SCP2: variants seen among roughly 807,000 people sequenced by gnomAD.
The protein encoded by SCP2 is sterol carrier protein 2.
SCP2 carries 48 observed loss-of-function variants against 71.4 expected under a neutral mutation model. The ratio of observed to expected loss-of-function variants is 0.67; its 90% CI spans 0.53 to 0.86. The LOEUF (loss-of-function observed/expected upper bound fraction) is 0.86. Ranked by LOEUF, SCP2 falls within the 40% of genes least tolerant of loss-of-function variation. The pLI, the probability that SCP2 is intolerant of heterozygous loss-of-function variation, is 0.00. For missense variants in SCP2, 560 were observed against 655.6 expected (o/e 0.85, Z 1.59); for synonymous variants, 220 against 218.1 (o/e 1.01, Z -0.08).
chr1:52,942,441 T>G (rs911088876), intron 2 of SCP2, among the ~76,000 whole-genome samples: 3 of 152,136 alleles, frequency 2.0e-5, no homozygotes, highest in Non-Finnish European at 4.4e-5. Flanking sequence ...GTCCTGGTTC[T>G]CTAAGCATTC....
chr1:53,000,641 G>C (rs1660254306), intron 11 of SCP2, among the ~76,000 whole-genome samples: 1 of 152,160 alleles, frequency 6.6e-6, no homozygotes, highest in South Asian at 2.1e-4. Context: ...GACCAATTCG[G>C]AGCCTCCTGA....
At chr1:52,987,731 C>T (rs1279154843) in intron 10 of SCP2, among the ~76,000 whole-genome samples, 3 of 152,182 alleles carry the variant, frequency 2.0e-5, no homozygotes, top group Non-Finnish European at 2.9e-5. Flanking sequence ...TTAGTTATAG[C>T]ATTATATCCA....
chr1:52,949,868 A>G (rs1400990617), intron 3 of SCP2, among the ~76,000 whole-genome samples: 6 of 152,188 alleles, frequency 3.9e-5, no homozygotes, highest in Admixed American at 3.9e-4. Flanking sequence ...AGGTCTTTGA[A>G]TAAATTTTGC....
chr1:52,992,157 A>G (rs972524216), intron 11 of SCP2, among the ~76,000 whole-genome samples: 2 of 152,204 alleles, frequency 1.3e-5, no homozygotes, highest in African/African-American at 4.8e-5. Flanking sequence ...ACCAGCAAGT[A>G]AAAGTTCTAC....
At chr1:52,987,917 T>C (rs1659140527) in intron 10 of SCP2, 112 bp from the exon 11 acceptor site, 1 of 701,802 alleles carries the variant, frequency 1.4e-6, no homozygotes. Context: ...GTTTGAACTG[T>C]TAAGAAATAT....
intron 10 of SCP2, among the ~76,000 whole-genome samples, chr1:52,984,430 G>A (rs1220366536): frequency 6.6e-6 from 1 of 151,742 alleles, no homozygotes; most frequent in African/African-American, 2.4e-5. Context: ...GTTTTCAGTT[G>A]TAATCAATGC....
chr1:52,993,227 T>G, intron 11 of SCP2: 1 of 1,614,174 alleles, frequency 6.2e-7, no homozygotes, highest in Non-Finnish European at 8.5e-7. Flanking sequence ...GCCTTTCTTG[T>G]CTTTTTCTTT....
chr1:53,032,305 G>A (rs941378780), intron 13 of SCP2, among the ~76,000 whole-genome samples: 17 of 152,182 alleles, frequency 1.1e-4, no homozygotes, highest in Non-Finnish European at 2.5e-4. Flanking sequence ...ATATGTCCCT[G>A]CCTCTCAGGG....
intron 13 of SCP2, among the ~76,000 whole-genome samples, chr1:53,032,122 A>G (rs1447512428): frequency 6.6e-6 from 1 of 152,236 alleles, no homozygotes; most frequent in Non-Finnish European, 1.5e-5. Context: ...TGTGAAGAAG[A>G]CTTTGAACTT....
At chr1:52,978,186 G>C (rs1297406867) in intron 8 of SCP2, 31 bp from the exon 9 acceptor site, 1 of 1,609,568 alleles carries the variant, frequency 6.2e-7, no homozygotes. Flanking sequence ...GGTGCTACTG[G>C]GTGTGGAGAA....
At chr1:52,958,556 A>G (rs1039001229) in intron 5 of SCP2, among the ~76,000 whole-genome samples, 1 of 151,912 alleles carries the variant, frequency 6.6e-6, no homozygotes, top group Non-Finnish European at 1.5e-5. Flanking sequence ...CTTTTTAGCT[A>G]TCTATTGAGA....
Position 52,978,322 on chromosome 1 carries a change from G to A in SCP2, c.780G>A (p.Met260Ile), listed in dbSNP as rs1171217889. Reference protein sequence around the residue: ...KAVEILAQEMMTDLPSSFEEK... With the variant: ...KAVEILAQEMITDLPSSFEEK... ...TGGAAATTTTGGCACAAGAAATGAT[G>A]ACTGATTTGCCAAGCTCGTTTGAAG... is the stretch of plus-strand genomic sequence containing the variant. The change falls in exon 9 of 16, where the codon ATG (methionine) becomes ATA (isoleucine). Residue 260 changes from methionine to isoleucine, a missense_variant. By Grantham distance (10) the Met-to-Ile change is conservative. Around this residue, in one of 3 missense-constraint regions of SCP2, gnomAD observed 513 missense variants for 573.1 expected, o/e 0.90. Coordinates refer to ENST00000371514, the MANE Select transcript of SCP2 (RefSeq NM_002979.5). 1 of 1,614,064 alleles carries A rather than the reference G, an allele frequency of 6.2e-7. No homozygotes were observed. The highest frequency in any genetic ancestry group is 1.1e-5 in the South Asian group (1 of 91,068).
chr1:52,961,640 GT>G lies in SCP2; in HGVS notation c.523+13del, dbSNP rs749503958. 1 of 1,612,698 alleles carries G rather than the reference GT, an allele frequency of 6.2e-7. No individual in the cohort carries two copies. Among genetic ancestry groups the G allele is most frequent in the Non-Finnish European group, 8.5e-7 (1 of 1,178,972 alleles). Reference sequence around the variant, plus strand: ...ATATGGAAAAATATGGTATGTTACAGTTAAAAAACTTTGAGGCTTCTTACTA... The same window carrying G: ...ATATGGAAAAATATGGTATGTTACAGTAAAAAACTTTGAGGCTTCTTACTA... On this transcript the variant is annotated intron_variant, in intron 6 of 15. Transcript: ENST00000371514.
intron 11 of SCP2, among the ~76,000 whole-genome samples, chr1:53,012,957 TTG>T (rs1275611700): frequency 6.6e-6 from 1 of 152,206 alleles, no homozygotes; most frequent in East Asian, 1.9e-4. Context: ...TTTGTCTTTT[TTG>T]TCTTACATAT....
rs144065468 is a variant in SCP2 at position 53,019,945 on chromosome 1, A to G, written c.1235+4902A>G. On this transcript the variant is annotated intron_variant, in intron 12 of 15. Coordinates refer to ENST00000371514, the MANE Select transcript of SCP2 (RefSeq NM_002979.5). ...TCTGTCATCTAGGCTGGAGCGCAGT[A>G]GCACATTCTCAGCTCACTGCAACTT... Among the ~76,000 whole-genome samples, 951 of 152,230 alleles carry G rather than the reference A, an allele frequency of 6.2e-3. 16 individuals carry two copies. The highest frequency in any genetic ancestry group is 0.022 in the African/African-American group (914 of 41,544).
intron 1 of SCP2, chr1:52,928,920 A>G (rs898771127): frequency 6.5e-6 from 1 of 154,382 alleles, no homozygotes; most frequent in African/African-American, 2.4e-5. Flanking sequence ...AATGCAGTCA[A>G]ACCTTCCTCT....
chr1:52,976,817 C>G, intron 8 of SCP2, 48 bp downstream of exon 8: 1 of 927,454 alleles, frequency 1.1e-6, no homozygotes, highest in South Asian at 1.3e-5. Flanking sequence ...AACTGCTGCC[C>G]TTCCTGCCAC....
chr1:52,980,129 A>G (rs1658352956), intron 9 of SCP2, among the ~76,000 whole-genome samples: 1 of 151,914 alleles, frequency 6.6e-6, no homozygotes, highest in African/African-American at 2.4e-5. Context: ...ACATACTACC[A>G]CGCCAGGCTA....
rs1557561948 is a variant in SCP2, at chr1:52,960,518, G to GTGTATA, written c.397-984_397-983insGTATAT. ...TGTGTGTGTGTGTGTGTGTGTGTGT[G>GTGTATA]TATATGTGTGTATATATATGTATGT... On this transcript the variant is annotated intron_variant, in intron 5 of 15. Coordinates refer to ENST00000371514, the MANE Select transcript of SCP2 (RefSeq NM_002979.5). 5.7e-4 allele frequency among the ~76,000 whole-genome samples: 66 copies of GTGTATA among 116,140 alleles called. No individual in the cohort carries two copies. In the East Asian group the frequency reaches 0.018, roughly 31 times the overall value. 76.2% of individuals were successfully genotyped at this position (116,140 alleles called of 152,430 possible).
Sources: allele counts gnomAD v4.1 joint callset (sites outside exome capture counted in the v4.1 genomes callset), GRCh38; gene constraint gnomAD v4.1.1; regional missense constraint gnomAD v4.1.1; transcripts MANE v1.5; gene names NCBI Gene and HGNC (gene_info 2026-07-23, HGNC 2026-07-21).